Variants in NBEA observed in about 807,000 individuals in gnomAD.
NBEA encodes neurobeachin.
NBEA carries 44 observed loss-of-function variants against 343.4 expected under a neutral mutation model. The observed-to-expected ratio is 0.13, with a 90% CI of 0.10 to 0.16. The LOEUF is 0.16. NBEA is among the 10% of genes least tolerant of loss of function. The pLI, the probability that NBEA is intolerant of heterozygous loss-of-function variation, is 1.00. For synonymous variants in NBEA, 1,175 were observed against 1,238.7 expected, an observed-to-expected ratio of 0.95 and a Z score of 1.08; for missense variants, 2,555 against 3,631.3, an observed-to-expected ratio of 0.70 and a Z score of 7.62.
intron 34 of NBEA, among the ~76,000 whole-genome samples, chr13:35,274,863 A>G (rs926571555): frequency 2.2e-4 from 34 of 152,238 alleles, no homozygotes; most frequent in African/African-American, 8.0e-4. Flanking sequence ...AGAGGACACA[A>G]TCAAATGGAA....
intron 33 of NBEA, among the ~76,000 whole-genome samples, chr13:35,212,273 TTGTCTC>T (rs543579982): frequency 2.0e-5 from 3 of 152,194 alleles, no homozygotes; most frequent in Non-Finnish European, 2.9e-5. Context: ...ATGTATTTCT[TTGTCTC>T]TGGCTTCTTT....
At chr13:35,635,354 G>A (rs1300511680) in intron 49 of NBEA, among the ~76,000 whole-genome samples, 1 of 152,120 alleles carries the variant, frequency 6.6e-6, no homozygotes, top group African/African-American at 2.4e-5. Context: ...TTCATATGGG[G>A]GATATCCAGG....
intron 10 of NBEA, among the ~76,000 whole-genome samples, chr13:35,095,487 T>C (rs1331923531): frequency 1.3e-5 from 2 of 151,666 alleles, no homozygotes; most frequent in African/African-American, 4.8e-5. Context: ...ATTTCTTTCA[T>C]TTTTTTCCCA....
chr13:34,978,512 C>T (rs186515557), intron 1 of NBEA, among the ~76,000 whole-genome samples: 13 of 152,260 alleles, frequency 8.5e-5, no homozygotes, highest in African/African-American at 2.9e-4. Flanking sequence ...ACAGTGAAAA[C>T]ATCTAATATT....
chr13:34,964,568 C>T (rs1019768601), intron 1 of NBEA, among the ~76,000 whole-genome samples: 1 of 151,932 alleles, frequency 6.6e-6, no homozygotes, highest in East Asian at 1.9e-4. Context: ...TACTAACGCA[C>T]AATTCAAGGT....
chr13:35,543,342 G>A (rs2078917252), intron 41 of NBEA, among the ~76,000 whole-genome samples: 1 of 152,164 alleles, frequency 6.6e-6, no homozygotes, highest in Admixed American at 6.5e-5. Flanking sequence ...TAAACAGCAT[G>A]TCGAAGTTGT....
chr13:35,473,587 T>C (rs2075743863), intron 41 of NBEA, among the ~76,000 whole-genome samples: 1 of 152,226 alleles, frequency 6.6e-6, no homozygotes, highest in Non-Finnish European at 1.5e-5. Flanking sequence ...AGGAGAGCCA[T>C]GGGACTTCTT....
Position 35,370,535 on chromosome 13 carries a change from A to C in NBEA, c.6179+18212A>C, listed in dbSNP as rs549955730. On this transcript the variant is annotated intron_variant, in intron 38 of 58. Coordinates refer to ENST00000379939, the MANE Select transcript of NBEA (RefSeq NM_001385012.1). Reference sequence around the variant, plus strand: ...GGAATGTGTAATCTGTTTACATTCAAGGTTGTTATTGATACATGAGGACTT... The same window carrying C: ...GGAATGTGTAATCTGTTTACATTCACGGTTGTTATTGATACATGAGGACTT... Among the ~76,000 whole-genome samples the C allele has an allele frequency of 3.9e-5, 6 of 152,206 alleles. No individual in the cohort carries two copies. The East Asian group carries it at 7.7e-4, about 20-fold the overall frequency.
At chr13:34,967,757 C>T (rs1360504375) in intron 1 of NBEA, among the ~76,000 whole-genome samples, 1 of 151,984 alleles carries the variant, frequency 6.6e-6, no homozygotes, top group African/African-American at 2.4e-5. Context: ...GGAAAGGCAG[C>T]CATGTAAATA....
At chr13:35,521,555 C>T (rs961691502) in intron 41 of NBEA, among the ~76,000 whole-genome samples, 20 of 152,298 alleles carry the variant, frequency 1.3e-4, no homozygotes, top group Non-Finnish European at 1.3e-4. Flanking sequence ...TTCTGGGCCA[C>T]GTGGTTCTTT....
intron 17 of NBEA, among the ~76,000 whole-genome samples, chr13:35,139,057 C>CTTTTTT (rs36053692): frequency 1.4e-4 from 14 of 97,886 alleles, no homozygotes; most frequent in South Asian, 3.9e-4. Flanking sequence ...CAAGAAATAT[C>CTTTTTT]TTTTTTTTTT....
intron 41 of NBEA, among the ~76,000 whole-genome samples, chr13:35,498,749 A>G (rs1410872604): frequency 4.6e-5 from 7 of 152,160 alleles, no homozygotes; most frequent in Admixed American, 4.6e-4. Context: ...TAAATCTTTT[A>G]TTCATGTTAT....
At chr13:35,287,194 G>A (rs555114589) in intron 34 of NBEA, among the ~76,000 whole-genome samples, 1 of 151,954 alleles carries the variant, frequency 6.6e-6, no homozygotes, top group Non-Finnish European at 1.5e-5. Flanking sequence ...TACTGAATCA[G>A]TAATTCTGGT....
intron 41 of NBEA, among the ~76,000 whole-genome samples, chr13:35,549,265 C>T (rs190709815): frequency 4.6e-5 from 7 of 152,140 alleles, no homozygotes; most frequent in African/African-American, 1.7e-4. Flanking sequence ...TGTATATTTC[C>T]TAGAGAAAGG....
intron 30 of NBEA, chr13:35,186,554 T>C (rs569028474): frequency 6.6e-5 from 10 of 152,306 alleles, no homozygotes; most frequent in African/African-American, 2.4e-4. Context: ...TGTGTGACAC[T>C]ACTTTCTCCT....
Position 35,401,867 on chromosome 13 carries a change from T to C in NBEA, c.6180-30402T>C, listed in dbSNP as rs115699147. Among the ~76,000 whole-genome samples, 1,213 of 152,156 alleles carry C rather than the reference T, an allele frequency of 8.0e-3. 18 individuals carry two copies. Among genetic ancestry groups the C allele is most frequent in the African/African-American group, 0.028 (1,160 of 41,562 alleles). The stretch of plus-strand genomic sequence containing the variant: ...TGTGTGCTGAGTTTTCTAGTCATGA[T>C]ATATGCCATTGTTTTAAATACATAA... On this transcript the variant is annotated intron_variant, in intron 38 of 58. Transcript: ENST00000379939.
At chr13:35,237,984 T>C (rs1220358108) in intron 34 of NBEA, among the ~76,000 whole-genome samples, 1 of 152,224 alleles carries the variant, frequency 6.6e-6, no homozygotes, top group Non-Finnish European at 1.5e-5. Context: ...AGTAGCTATT[T>C]TTAGGTAGCT....
intron 13 of NBEA, among the ~76,000 whole-genome samples, chr13:35,113,008 A>C (rs892654266): frequency 1.3e-5 from 2 of 152,132 alleles, no homozygotes; most frequent in African/African-American, 4.8e-5. Flanking sequence ...TCTAGGAAAA[A>C]GAAAATTATT....
intron 1 of NBEA, among the ~76,000 whole-genome samples, chr13:34,973,245 G>A (rs1308497675): frequency 1.3e-5 from 2 of 151,946 alleles, no homozygotes; most frequent in Non-Finnish European, 2.9e-5. Flanking sequence ...TGGAGATCCT[G>A]ACTGGCAGGT....
Sources: allele counts gnomAD v4.1 joint callset (sites outside exome capture counted in the v4.1 genomes callset), GRCh38; gene constraint gnomAD v4.1.1; transcripts MANE v1.5; gene names NCBI Gene and HGNC (gene_info 2026-07-23, HGNC 2026-07-21).